RGMA: variants seen among roughly 807,000 people sequenced by gnomAD.
RGMA encodes repulsive guidance molecule BMP co-receptor a, also known as repulsive guidance molecule A.
In RGMA, 10 loss-of-function variants were observed where a neutral mutation model predicts 23.2. The ratio of observed to expected loss-of-function variants is 0.43; its 90% CI spans 0.27 to 0.73. The LOEUF (loss-of-function observed/expected upper bound fraction) is 0.73, where lower values mean the gene tolerates loss of function less well. Among genes scored for constraint, RGMA ranks in the 30% least tolerant of loss-of-function variants. The pLI, the probability that RGMA is intolerant of heterozygous loss-of-function variation, is 0.20. For missense variants in RGMA, 547 were observed against 630.5 expected, an observed-to-expected ratio of 0.87 and a Z score of 1.42; for synonymous variants, 308 against 279.3, an observed-to-expected ratio of 1.10 and a Z score of -1.03.
intron 2 of RGMA, among the ~76,000 whole-genome samples, chr15:93,061,221 C>T (rs1196221111): frequency 6.6e-6 from 1 of 152,222 alleles, no homozygotes; most frequent in East Asian, 1.9e-4. Context: ...GTGGCGCGAC[C>T]TTGGCTCACA....
intron 2 of RGMA, among the ~76,000 whole-genome samples, chr15:93,070,070 C>T (rs117931230): frequency 1.6e-3 from 251 of 152,322 alleles, no homozygotes; most frequent in Middle Eastern, 6.8e-3. Context: ...CCCTTCCAGA[C>T]CGCTTGACAG....
At chr15:93,068,449 C>T (rs1383578215) in intron 2 of RGMA, among the ~76,000 whole-genome samples, 1 of 152,242 alleles carries the variant, frequency 6.6e-6, no homozygotes, top group Non-Finnish European at 1.5e-5. Flanking sequence ...GTGGCCTTAT[C>T]TGTGCCCACA....
At position 93,052,449 on chromosome 15, in the gene RGMA, G is replaced by A. The variant is rs1249173557; in HGVS notation, c.189C>T (p.Gly63=). ...TGTCGTCTGAGGCTGGGGCGTGGCTGCCCGACGTGGCGCTCCAGAACTCAG... is the reference window on the plus strand; with the variant it reads ...TGTCGTCTGAGGCTGGGGCGTGGCTACCCGACGTGGCGCTCCAGAACTCAG... ...CNSEFWSATS[G]SHAPASDDTP... is the part of the protein sequence containing the mutation. Residue 63 remains glycine (G), a synonymous_variant, in exon 3 of 4, where the codon GGC becomes GGT. Coordinates refer to ENST00000329082, the MANE Select transcript of RGMA (RefSeq NM_020211.3). 5 of 1,591,508 alleles carry A rather than the reference G, an allele frequency of 3.1e-6. No individual in the cohort carries two copies. The East Asian group carries it at 9.0e-5, about 29-fold the overall frequency.
At chr15:93,081,384 T>G (rs1306539725) in intron 1 of RGMA, among the ~76,000 whole-genome samples, 1 of 152,206 alleles carries the variant, frequency 6.6e-6, no homozygotes, top group South Asian at 2.1e-4. Context: ...AGAGTGACAT[T>G]TCTTATGTTT....
At chr15:93,061,066 G>A (rs971667445) in intron 2 of RGMA, among the ~76,000 whole-genome samples, 4 of 152,344 alleles carry the variant, frequency 2.6e-5, no homozygotes, top group African/African-American at 4.8e-5. Flanking sequence ...GCCGCTGAGC[G>A]GCCTCTTCCC....
intron 2 of RGMA, chr15:93,065,790 G>T: frequency 2.0e-6 from 2 of 999,824 alleles, no homozygotes; most frequent in South Asian, 1.3e-5. Flanking sequence ...TAGGCTGGCT[G>T]GGGTGGTCTG....
rs1024611868 is a variant in RGMA, at chr15:93,041,324, C to T, written c.*3674G>A. ...CTCCGTGTGCTAATGCATTTACCTC[C>T]AGGCCGCAGGCCTCCGCGGAGCTGG... On this transcript the variant is annotated 3_prime_UTR_variant, in exon 4 of 4. Coordinates refer to ENST00000329082, the MANE Select transcript of RGMA (RefSeq NM_020211.3). 5.9e-5 allele frequency: 9 copies of T among 152,358 alleles called. No homozygotes were observed. Among genetic ancestry groups the T allele is most frequent in the African/African-American group, 2.2e-4 (9 of 41,588 alleles). The allele number at this position is 152,358 out of a possible 1,614,324, so 9.4% of individuals were successfully genotyped here.
intron 1 of RGMA, among the ~76,000 whole-genome samples, chr15:93,087,472 A>AAAAAAC (rs1405007604): frequency 2.0e-5 from 3 of 150,692 alleles, no homozygotes; most frequent in Non-Finnish European, 3.0e-5. Flanking sequence ...TGCAAAAAAA[A>AAAAAAC]AAAAAAAAAA....
At position 93,045,735 on chromosome 15, in the gene RGMA, G is replaced by A. The variant is rs760760232; in HGVS notation, c.646-30C>T. The A allele has an allele frequency of 1.3e-6, 2 of 1,508,058 alleles. No homozygotes were observed. Among genetic ancestry groups the A allele is most frequent in the East Asian group, 2.3e-5 (1 of 44,328 alleles). The allele number at this position is 1,508,058 out of a possible 1,614,324, so 93.4% of individuals were successfully genotyped here. A position where few individuals can be genotyped will look rare whatever the true frequency, so the allele number is the denominator to read the frequency against. ...CGGGGAAAGGGGCAGAGGAGAGTGG[G>A]TGAGGCACAGTGGGAGGAGGCACAG... On this transcript the variant is annotated intron_variant, in intron 3 of 3. Coordinates refer to ENST00000329082, the MANE Select transcript of RGMA (RefSeq NM_020211.3). The surrounding 1 kb of genome is among the most constrained non-coding windows in gnomAD (Gnocchi z 6.9).
At position 93,048,856 on chromosome 15, in the gene RGMA, G is replaced by A. The variant is rs187959823; in HGVS notation, c.645+3137C>T. On this transcript the variant is annotated intron_variant, in intron 3 of 3. Coordinates refer to ENST00000329082, the MANE Select transcript of RGMA (RefSeq NM_020211.3). ...GTCCTGCCATGGGGGGAGGATGGGG[G>A]ACTCTGGTGTCCCTGCCTGGTGTGC... Among the ~76,000 whole-genome samples, 561 of 129,190 alleles carry A rather than the reference G, an allele frequency of 4.3e-3. 8 individuals carry two copies. Among genetic ancestry groups the A allele is most frequent in the East Asian group, 0.04 (168 of 4,190 alleles). 84.8% of individuals were successfully genotyped at this position (129,190 alleles called of 152,430 possible).
At chr15:93,066,708 G>C (rs1339692579) in intron 2 of RGMA, 5 of 360,094 alleles carry the variant, frequency 1.4e-5, no homozygotes, top group Non-Finnish European at 2.7e-5. Flanking sequence ...ATTTTTGGTA[G>C]AGACAGGTTG....
At chr15:93,065,825 C>CTA in intron 2 of RGMA, 1 of 797,690 alleles carries the variant, frequency 1.3e-6, no homozygotes, top group Non-Finnish European at 2.2e-6. Flanking sequence ...TAGGGGAACC[C>CTA]GCTCACCTCC....
intron 2 of RGMA, among the ~76,000 whole-genome samples, chr15:93,052,851 C>G (rs994168003): frequency 4.6e-5 from 7 of 152,232 alleles, no homozygotes; most frequent in African/African-American, 1.7e-4. Context: ...TATACACTTT[C>G]ATGGCCATCC....
At chr15:93,075,738 G>A (rs1488755716) in intron 1 of RGMA, among the ~76,000 whole-genome samples, 2 of 152,218 alleles carry the variant, frequency 1.3e-5, no homozygotes, top group Non-Finnish European at 2.9e-5. Flanking sequence ...CCTGCCGGGA[G>A]ACGGGTACTG....
Position 93,052,287 on chromosome 15 carries a change from C to T in RGMA, c.351G>A (p.Lys117=), listed in dbSNP as rs1391345894. 1 of 1,602,934 alleles carries T rather than the reference C, an allele frequency of 6.2e-7. No individual in the cohort carries two copies. Among genetic ancestry groups the T allele is most frequent in the African/African-American group, 1.3e-5 (1 of 74,792 alleles). ...EDLMSQHNCS[K]DGPTSQPRLR... Reference sequence around the variant, plus strand: ...GGCGTGGCTGCGAGGTGGGGCCATCCTTGGAGCAGTTGTGCTGGCTCATGA... The same window carrying T: ...GGCGTGGCTGCGAGGTGGGGCCATCTTTGGAGCAGTTGTGCTGGCTCATGA... Residue 117 remains lysine (K), a synonymous_variant, in exon 3 of 4, where the codon AAG becomes AAA. Coordinates refer to ENST00000329082, the MANE Select transcript of RGMA (RefSeq NM_020211.3).
chr15:93,061,342 G>C (rs1243151478), intron 2 of RGMA, among the ~76,000 whole-genome samples: 6 of 152,170 alleles, frequency 3.9e-5, no homozygotes, highest in Non-Finnish European at 8.8e-5. Flanking sequence ...GTAGAGATGG[G>C]GTTTCGATGT....
chr15:93,071,813 G>GGGC (rs1421592828), intron 2 of RGMA, among the ~76,000 whole-genome samples: 4 of 152,348 alleles, frequency 2.6e-5, no homozygotes, highest in African/African-American at 9.6e-5. Context: ...AGTAGTGCGC[G>GGGC]GGGGCTGCGG....
At chr15:93,052,794 G>A (rs1397015089) in intron 2 of RGMA, among the ~76,000 whole-genome samples, 1 of 152,252 alleles carries the variant, frequency 6.6e-6, no homozygotes, top group Admixed American at 6.5e-5. Context: ...TTTGGGGGCA[G>A]TAGGACTTTG....
chr15:93,069,040 TC>T (rs1341437008), intron 2 of RGMA, among the ~76,000 whole-genome samples: 3 of 152,154 alleles, frequency 2.0e-5, no homozygotes, highest in African/African-American at 7.2e-5. Flanking sequence ...TAAGACACTC[TC>T]CCCTTGGGAC....
Sources: gnomAD v4.1 joint callset for allele counts (sites outside exome capture counted in the v4.1 genomes callset) on GRCh38, gnomAD v4.1.1 for gene constraint, Gnocchi (gnomAD v3.1) non-coding constraint, MANE v1.5 for transcripts, NCBI Gene and HGNC (gene_info 2026-07-23, HGNC 2026-07-21) for gene names.